The following TNR variants were observed in gnomAD, a reference collection of about 807,000 sequenced individuals.
TNR encodes the protein tenascin-R.
TNR carries 45 observed loss-of-function variants against 150.4 expected under a neutral mutation model. The observed-to-expected ratio is 0.30, with a 90% CI of 0.24 to 0.38. The LOEUF is 0.38. Ranked by LOEUF, TNR falls within the 10% of genes least tolerant of loss-of-function variation. The pLI is 1.00. For synonymous variants in TNR, 687 were observed against 678.4 expected (o/e 1.01, Z -0.20); for missense variants, 1,544 against 1,759.1 (o/e 0.88, Z 2.19).
At chr1:175,527,565 C>G (rs859365) in intron 2 of TNR, among the ~76,000 whole-genome samples, 31,652 of 152,042 alleles carry the variant, frequency 0.21, 3,846 homozygotes, top group African/African-American at 0.33. Context: ...CAATAAAAAA[C>G]GGCCACACCT....
chr1:175,571,509 G>A (rs1056512720), intron 1 of TNR, among the ~76,000 whole-genome samples: 5 of 152,198 alleles, frequency 3.3e-5, no homozygotes, highest in Non-Finnish European at 7.3e-5. Flanking sequence ...AAGCTGGCAA[G>A]TGCCCCAGAG....
chr1:175,434,982 A>G (rs1421408480), intron 2 of TNR, among the ~76,000 whole-genome samples: 1 of 152,108 alleles, frequency 6.6e-6, no homozygotes, highest in Non-Finnish European at 1.5e-5. Context: ...CTGTCATTGC[A>G]CTTTTACGTT....
intron 1 of TNR, among the ~76,000 whole-genome samples, chr1:175,671,756 G>A (rs1248743608): frequency 6.6e-6 from 1 of 152,190 alleles, no homozygotes; most frequent in South Asian, 2.1e-4. Flanking sequence ...CTACAAGGGA[G>A]TGAAGCAAGG....
At chr1:175,537,495 G>A (rs375855924) in intron 1 of TNR, among the ~76,000 whole-genome samples, 2 of 152,168 alleles carry the variant, frequency 1.3e-5, no homozygotes, top group East Asian at 1.9e-4. Flanking sequence ...CATCCTTCAA[G>A]GTAGCCAGTT....
At chr1:175,699,233 T>C (rs1558079606) in intron 1 of TNR, among the ~76,000 whole-genome samples, 1 of 152,080 alleles carries the variant, frequency 6.6e-6, no homozygotes, top group African/African-American at 2.4e-5. Context: ...GTCACCATTA[T>C]GGAGAAGAAA....
At chr1:175,430,989 A>G (rs1655237904) in intron 2 of TNR, among the ~76,000 whole-genome samples, 1 of 152,184 alleles carries the variant, frequency 6.6e-6, no homozygotes. Context: ...CTTATGTTGC[A>G]TATCTATACA....
rs532225693 is a variant in TNR at position 175,687,676 on chromosome 1, A to C, written c.-165+55550T>G. ...TCCCATGTGCCTTCTTTTCTTTTCG[A>C]AAGACAATAATGGGGACTGAATTCA... On this transcript the variant is annotated intron_variant, in intron 1 of 22. Coordinates refer to ENST00000367674, the MANE Select transcript of TNR (RefSeq NM_003285.3). Among the ~76,000 whole-genome samples, 17 of 151,870 alleles carry C rather than the reference A, an allele frequency of 1.1e-4. No individual in the cohort carries two copies. The South Asian group carries it at 3.5e-3, about 32-fold the overall frequency.
chr1:175,445,811 T>G (rs1200024399), intron 2 of TNR, among the ~76,000 whole-genome samples: 1 of 152,242 alleles, frequency 6.6e-6, no homozygotes, highest in Non-Finnish European at 1.5e-5. Context: ...TGATTGCAGT[T>G]GTACGTTGTA....
chr1:175,380,933 T>C (rs550007744), intron 8 of TNR, among the ~76,000 whole-genome samples: 49 of 152,348 alleles, frequency 3.2e-4, no homozygotes, highest in African/African-American at 1.2e-3. Context: ...CCACCAATTG[T>C]TCTTGTGGAA....
intron 1 of TNR, among the ~76,000 whole-genome samples, chr1:175,685,380 A>G (rs542299917): frequency 6.6e-6 from 1 of 152,154 alleles, no homozygotes; most frequent in East Asian, 1.9e-4. Context: ...TTCAAACAAT[A>G]CTCATTGCAC....
chr1:175,732,264 A>G (rs974879212), intron 1 of TNR, among the ~76,000 whole-genome samples: 1 of 152,228 alleles, frequency 6.6e-6, no homozygotes, highest in Non-Finnish European at 1.5e-5. Context: ...ATGGCAGATC[A>G]GAGTTAAAAG....
intron 1 of TNR, among the ~76,000 whole-genome samples, chr1:175,617,755 C>A (rs1222757600): frequency 6.7e-6 from 1 of 148,578 alleles, no homozygotes; most frequent in Admixed American, 6.6e-5. Context: ...AAGAATGTTC[C>A]TCACCCTGAG....
intron 1 of TNR, among the ~76,000 whole-genome samples, chr1:175,596,723 C>T (rs1306658915): frequency 6.6e-6 from 1 of 152,180 alleles, no homozygotes; most frequent in Non-Finnish European, 1.5e-5. Flanking sequence ...CCAATTTTCT[C>T]CTCTCAGATT....
intron 1 of TNR, among the ~76,000 whole-genome samples, chr1:175,568,762 T>A (rs906954591): frequency 2.0e-5 from 3 of 152,176 alleles, no homozygotes; most frequent in Non-Finnish European, 4.4e-5. Context: ...GGAACCCTCC[T>A]CTTAGGGACT....
At chr1:175,517,033 GAGAGAGAGAGAGAGAGAGAGAGAGAA>G (rs924347593) in intron 2 of TNR, among the ~76,000 whole-genome samples, 16 of 147,252 alleles carry the variant, frequency 1.1e-4, no homozygotes, top group Admixed American at 5.3e-4. Context: ...GAGAGAGAGA[GAGAGAGAGAGAGAGAGAGAGAGAGAA>G]AGAGAGAGAG....
intron 1 of TNR, among the ~76,000 whole-genome samples, chr1:175,735,040 G>T (rs1667735269): frequency 6.6e-6 from 1 of 152,186 alleles, no homozygotes; most frequent in African/African-American, 2.4e-5. Flanking sequence ...AGGCTTTACA[G>T]CTTGCCTTAT....
At chr1:175,394,082 T>G (rs996761824) in intron 5 of TNR, among the ~76,000 whole-genome samples, 187 bp from the exon 6 acceptor site, 11 of 152,384 alleles carry the variant, frequency 7.2e-5, no homozygotes, top group Admixed American at 7.2e-4. Context: ...GTGGCTCTAG[T>G]GCTCGATGTT....
chr1:175,345,057 G>A (rs1251616639), intron 18 of TNR, among the ~76,000 whole-genome samples: 1 of 151,772 alleles, frequency 6.6e-6, no homozygotes, highest in African/African-American at 2.4e-5. Flanking sequence ...GCAGTGAGCC[G>A]AGATCAAGCC....
chr1:175,571,300 G>C (rs1220052401), intron 1 of TNR, among the ~76,000 whole-genome samples: 1 of 151,956 alleles, frequency 6.6e-6, no homozygotes, highest in East Asian at 1.9e-4. Flanking sequence ...ATCTTCTTTT[G>C]AATCTCAGTA....
Sources: gnomAD v4.1 joint callset for allele counts (sites outside exome capture counted in the v4.1 genomes callset) on GRCh38, gnomAD v4.1.1 for gene constraint, MANE v1.5 for transcripts, NCBI Gene and HGNC (gene_info 2026-07-23, HGNC 2026-07-21) for gene names.